IGSF21: variants seen among roughly 807,000 people sequenced by gnomAD.
The protein encoded by IGSF21 is immunoglobin superfamily member 21.
In IGSF21, 28 loss-of-function variants were observed where a neutral mutation model predicts 46.8. The observed-to-expected ratio is 0.60, with a 90% CI of 0.44 to 0.82. IGSF21 has a LOEUF of 0.82. IGSF21 is among the 40% of genes least tolerant of loss of function. The pLI is 0.00. For missense variants in IGSF21, 624 were observed against 665.5 expected (o/e 0.94, Z 0.69); for synonymous variants, 284 against 273.6 (o/e 1.04, Z -0.38).
intron 1 of IGSF21, among the ~76,000 whole-genome samples, chr1:18,157,449 G>T (rs2086578566): frequency 6.6e-6 from 1 of 152,152 alleles, no homozygotes; most frequent in Non-Finnish European, 1.5e-5. Context: ...ATGGCCCTGT[G>T]CGTGTGTCTG....
At chr1:18,223,798 C>T (rs530165170) in intron 1 of IGSF21, among the ~76,000 whole-genome samples, 1 of 152,274 alleles carries the variant, frequency 6.6e-6, no homozygotes, top group South Asian at 2.1e-4. Context: ...GCTGGGAAAA[C>T]TAAGTGACAC....
At chr1:18,235,440 G>A (rs1265423234) in intron 2 of IGSF21, among the ~76,000 whole-genome samples, 3 of 152,276 alleles carry the variant, frequency 2.0e-5, no homozygotes, top group Non-Finnish European at 2.9e-5. Flanking sequence ...AATTAAAATC[G>A]AGTGGTGGGA....
chr1:18,177,393 GT>G (rs2086811124), intron 1 of IGSF21, among the ~76,000 whole-genome samples: 1 of 15,404 alleles, frequency 6.5e-5, no homozygotes, highest in Non-Finnish European at 2.0e-4. Flanking sequence ...GGTCAGTGAG[GT>G]GTGTGTGTGT....
At chr1:18,149,028 C>CG (rs1290844662) in intron 1 of IGSF21, among the ~76,000 whole-genome samples, 4 of 152,176 alleles carry the variant, frequency 2.6e-5, no homozygotes, top group Non-Finnish European at 5.9e-5. Context: ...GTGTGTCTGG[C>CG]GGCATCCCGG....
At chr1:18,348,161 G>T (rs2085913975) in intron 4 of IGSF21, among the ~76,000 whole-genome samples, 1 of 152,234 alleles carries the variant, frequency 6.6e-6, no homozygotes, top group Non-Finnish European at 1.5e-5. Flanking sequence ...CTTGCCCAAG[G>T]TCACACAGTG....
Position 18,265,852 on chromosome 1 carries a change from G to A in IGSF21, c.184-26014G>A, listed in dbSNP as rs1475124397. ...GCTCGCAGGCTGAGGAGCGGGCAAGGTGCAGCCAATGGGCTCTGTCCCAGC... is the reference window on the plus strand; with the variant it reads ...GCTCGCAGGCTGAGGAGCGGGCAAGATGCAGCCAATGGGCTCTGTCCCAGC... On this transcript the variant is annotated intron_variant, in intron 2 of 9. Coordinates refer to ENST00000251296, the MANE Select transcript of IGSF21 (RefSeq NM_032880.5). Among the ~76,000 whole-genome samples, 4 of 152,344 alleles carry A rather than the reference G, an allele frequency of 2.6e-5. No homozygotes were observed. The East Asian group carries it at 7.7e-4, about 29-fold the overall frequency.
chr1:18,190,372 T>C (rs2086943592), intron 1 of IGSF21, among the ~76,000 whole-genome samples: 1 of 152,216 alleles, frequency 6.6e-6, no homozygotes, highest in African/African-American at 2.4e-5. Flanking sequence ...CGATTCCATC[T>C]GTGAAATGGG....
At chr1:18,359,383 A>AATGGAAGGAAGGAAGG (rs2086064838) in intron 4 of IGSF21, among the ~76,000 whole-genome samples, 20 of 61,030 alleles carry the variant, frequency 3.3e-4, no homozygotes, top group African/African-American at 1.3e-3. Flanking sequence ...AGAAAGAAAG[A>AATGGAAGGAAGGAAGG]AAGGAAGGAA....
chr1:18,303,598 T>C (rs1372720559), intron 3 of IGSF21, among the ~76,000 whole-genome samples: 1 of 152,230 alleles, frequency 6.6e-6, no homozygotes, highest in African/African-American at 2.4e-5. Context: ...AGTTCCGATG[T>C]TGAATGCACT....
At chr1:18,351,635 T>G (rs1027771999) in intron 4 of IGSF21, among the ~76,000 whole-genome samples, 1 of 152,204 alleles carries the variant, frequency 6.6e-6, no homozygotes, top group African/African-American at 2.4e-5. Context: ...CCTCCCTACC[T>G]GCCTCCCCAA....
rs199796723 is a variant in IGSF21 at position 18,377,462 on chromosome 1, A to C, written c.1333+31A>C. On this transcript the variant is annotated intron_variant, in intron 9 of 9. Transcript: ENST00000251296. Reference sequence around the variant, plus strand: ...TCTCTACCCTCAGGATTTTTTGCTTAAAAGGGAGTGGCTTTTGAGGCGCCA... The same window carrying C: ...TCTCTACCCTCAGGATTTTTTGCTTCAAAGGGAGTGGCTTTTGAGGCGCCA... 21 of 1,593,172 alleles carry C rather than the reference A, an allele frequency of 1.3e-5. No homozygotes were observed. The African/African-American group carries it at 2.7e-4, about 20-fold the overall frequency.
chr1:18,283,720 G>GC (rs886237519), intron 2 of IGSF21, among the ~76,000 whole-genome samples: 2 of 151,064 alleles, frequency 1.3e-5, no homozygotes, highest in Non-Finnish European at 3.0e-5. Context: ...TCCCTTTCTT[G>GC]CCCCCCTGCC....
chr1:18,111,010 C>T (rs1395336027), intron 1 of IGSF21: 2 of 152,320 alleles, frequency 1.3e-5, no homozygotes, highest in African/African-American at 4.8e-5. Context: ...TCTCTGTCTC[C>T]GCAGCCGCGT....
chr1:18,294,171 T>C (rs893643693), intron 3 of IGSF21, among the ~76,000 whole-genome samples: 1 of 152,204 alleles, frequency 6.6e-6, no homozygotes, highest in African/African-American at 2.4e-5. Flanking sequence ...CTGGGGCTGG[T>C]AACCCCACAG....
intron 3 of IGSF21, among the ~76,000 whole-genome samples, chr1:18,295,094 TG>T (rs1326591035): frequency 6.6e-6 from 1 of 152,154 alleles, no homozygotes; most frequent in East Asian, 1.9e-4. Flanking sequence ...CAAGGACTCC[TG>T]GAGCTTTTTG....
chr1:18,341,851 T>C (rs1361138822), intron 4 of IGSF21, among the ~76,000 whole-genome samples: 2 of 152,128 alleles, frequency 1.3e-5, no homozygotes, highest in African/African-American at 2.4e-5. Context: ...CCAAGTGAGG[T>C]TGGCAGATGA....
At chr1:18,297,600 G>T (rs2085323342) in intron 3 of IGSF21, among the ~76,000 whole-genome samples, 1 of 152,030 alleles carries the variant, frequency 6.6e-6, no homozygotes, top group Admixed American at 6.6e-5. Flanking sequence ...ATCCATGAGG[G>T]ATTGGTTCCA....
intron 2 of IGSF21, among the ~76,000 whole-genome samples, chr1:18,275,530 T>A (rs1294297740): frequency 6.6e-6 from 1 of 152,080 alleles, no homozygotes; most frequent in Non-Finnish European, 1.5e-5. Context: ...AATGGGACCC[T>A]CTCTCTGACG....
chr1:18,164,894 C>A (rs1474721722), intron 1 of IGSF21, among the ~76,000 whole-genome samples: 2 of 104,348 alleles, frequency 1.9e-5, no homozygotes, highest in Non-Finnish European at 3.5e-5. Flanking sequence ...CTCCCCCCAC[C>A]CCACAACAGG....
Sources: allele counts gnomAD v4.1 joint callset (sites outside exome capture counted in the v4.1 genomes callset), GRCh38; gene constraint gnomAD v4.1.1; transcripts MANE v1.5; gene names NCBI Gene and HGNC (gene_info 2026-07-23, HGNC 2026-07-21).